The following NDST3 variants were observed in gnomAD, a reference collection of about 807,000 sequenced individuals.
The protein encoded by NDST3 is bifunctional heparan sulfate N-deacetylase/N-sulfotransferase 3.
A neutral mutation model predicts 96.1 loss-of-function variants in NDST3; 58 were observed. The ratio of observed to expected loss-of-function variants is 0.60; its 90% CI spans 0.49 to 0.75. The LOEUF (loss-of-function observed/expected upper bound fraction) is 0.75, where lower values mean the gene tolerates loss of function less well. Ranked by LOEUF, NDST3 falls within the 30% of genes least tolerant of loss-of-function variation. The pLI is 0.00. For missense variants in NDST3, 788 were observed against 1,034.2 expected (o/e 0.76, Z 3.27); for synonymous variants, 333 against 359.7 (o/e 0.93, Z 0.84).
intron 6 of NDST3, among the ~76,000 whole-genome samples, chr4:118,146,397 C>T (rs62326129): frequency 6.6e-6 from 1 of 152,004 alleles, no homozygotes; most frequent in African/African-American, 2.4e-5. Flanking sequence ...GAGCTGAAAA[C>T]AAAAATATAA....
At position 118,256,356 on chromosome 4, in the gene NDST3, T is replaced by C. The variant is rs1484909343; in HGVS notation, c.*644T>C. On this transcript the variant is annotated 3_prime_UTR_variant, in exon 14 of 14. Coordinates refer to ENST00000296499, the MANE Select transcript of NDST3 (RefSeq NM_004784.3). ...TGATTTTTTCATATACATAGTCTAGTGAATATATGTAAAAATTACTAACTC... is the reference window on the plus strand; with the variant it reads ...TGATTTTTTCATATACATAGTCTAGCGAATATATGTAAAAATTACTAACTC... The C allele has an allele frequency of 6.6e-6, 1 of 152,176 alleles. No homozygotes were observed. The allele number at this position is 152,176 out of a possible 1,614,324, so 9.4% of individuals were successfully genotyped here. A position where few individuals can be genotyped will look rare whatever the true frequency, so the allele number is the denominator to read the frequency against.
chr4:118,070,684 C>G (rs1726988063), intron 2 of NDST3, among the ~76,000 whole-genome samples: 1 of 148,192 alleles, frequency 6.7e-6, no homozygotes, highest in Admixed American at 6.8e-5. Context: ...TTCTAGGGTA[C>G]ATGTGCACAA....
At chr4:118,253,366 C>T (rs561596620) in intron 12 of NDST3, 133 bp from the exon 13 acceptor site, 2 of 538,818 alleles carry the variant, frequency 3.7e-6, no homozygotes, top group East Asian at 5.7e-5. Context: ...TTCAGTTTCT[C>T]TGGTTATAGA....
intron 4 of NDST3, among the ~76,000 whole-genome samples, chr4:118,119,733 T>C (rs1731393878): frequency 6.6e-6 from 1 of 152,204 alleles, no homozygotes; most frequent in Non-Finnish European, 1.5e-5. Context: ...ATGCCAGTTA[T>C]TACAATATTG....
intron 13 of NDST3, 69 bp from the exon 14 acceptor site, chr4:118,255,524 A>G (rs1742062373): frequency 6.9e-7 from 1 of 1,451,012 alleles, no homozygotes; most frequent in Non-Finnish European, 9.4e-7. Flanking sequence ...ACTTATTTCA[A>G]CGTAGTCAAA....
At chr4:118,182,236 G>C (rs547062437) in intron 6 of NDST3, among the ~76,000 whole-genome samples, 7 of 152,088 alleles carry the variant, frequency 4.6e-5, no homozygotes, top group African/African-American at 1.4e-4. Context: ...CCAAGTTCTC[G>C]GGACACGAAT....
intron 8 of NDST3, among the ~76,000 whole-genome samples, chr4:118,230,840 TTTCAA>T (rs1396465896): frequency 6.6e-6 from 1 of 152,184 alleles, no homozygotes; most frequent in Non-Finnish European, 1.5e-5. Flanking sequence ...AGACTACCTC[TTTCAA>T]TTCATTTTTT....
chr4:118,220,043 T>A (rs146465314), intron 6 of NDST3, among the ~76,000 whole-genome samples: 44,878 of 151,992 alleles, frequency 0.3, 8,143 homozygotes, highest in Middle Eastern at 0.43. Context: ...GTTCAACCAT[T>A]GTGGAAGACA....
rs373927552 is a variant in NDST3, at chr4:118,087,135, T to A, written c.982-17883T>A. On this transcript the variant is annotated intron_variant, in intron 2 of 13. Coordinates refer to ENST00000296499, the MANE Select transcript of NDST3 (RefSeq NM_004784.3). ...TTTAACCTCTTATTTACTGTGTGGG[T>A]TTAAGGAAATCTCTTAACATGTCTG... Among the ~76,000 whole-genome samples, 70 of 152,156 alleles carry A rather than the reference T, an allele frequency of 4.6e-4. 1 individual carries two copies. The South Asian group carries it at 0.014, about 31-fold the overall frequency.
chr4:118,146,953 G>A (rs1029225352), intron 6 of NDST3, among the ~76,000 whole-genome samples: 1 of 152,092 alleles, frequency 6.6e-6, no homozygotes, highest in Non-Finnish European at 1.5e-5. Flanking sequence ...CCTACTATAG[G>A]AAAAGAATAT....
chr4:118,075,959 C>T (rs1343646442), intron 2 of NDST3, among the ~76,000 whole-genome samples: 5 of 152,250 alleles, frequency 3.3e-5, no homozygotes, highest in Middle Eastern at 3.4e-3. Flanking sequence ...GTGTTTTAGT[C>T]ATGAAGTTAA....
intron 4 of NDST3, among the ~76,000 whole-genome samples, chr4:118,133,298 GT>G (rs2125892242): frequency 6.6e-6 from 1 of 152,272 alleles, no homozygotes; most frequent in South Asian, 2.1e-4. Flanking sequence ...ATCCCTCCAT[GT>G]GTGAGCAAAG....
intron 6 of NDST3, among the ~76,000 whole-genome samples, 178 bp from the exon 7 acceptor site, chr4:118,224,313 C>T (rs115285530): frequency 2.5e-3 from 386 of 152,156 alleles, no homozygotes; most frequent in Admixed American, 5.4e-3. Flanking sequence ...ATAACACATC[C>T]TCCAGTATGT....
At chr4:118,092,042 G>T (rs1728911740) in intron 2 of NDST3, among the ~76,000 whole-genome samples, 1 of 81,378 alleles carries the variant, frequency 1.2e-5, no homozygotes, top group South Asian at 5.0e-4. Context: ...TGTGAGGTAG[G>T]TATTTTCTTA....
intron 12 of NDST3, among the ~76,000 whole-genome samples, chr4:118,243,074 T>C (rs1404363050): frequency 1.3e-5 from 2 of 151,850 alleles, no homozygotes; most frequent in Non-Finnish European, 2.9e-5. Flanking sequence ...TGGACCTGAC[T>C]CACACCGTAA....
chr4:118,122,682 C>T (rs1731700769), intron 4 of NDST3, among the ~76,000 whole-genome samples: 1 of 152,154 alleles, frequency 6.6e-6, no homozygotes, highest in Non-Finnish European at 1.5e-5. Flanking sequence ...AATTCTGTGA[C>T]TCTGTTTCCG....
chr4:118,210,982 T>TC (rs1431778098), intron 6 of NDST3, among the ~76,000 whole-genome samples: 3 of 152,094 alleles, frequency 2.0e-5, no homozygotes, highest in Non-Finnish European at 4.4e-5. Context: ...CATCTCCATG[T>TC]CCCAGATACT....
chr4:118,100,215 A>G lies in NDST3; in HGVS notation c.982-4803A>G, dbSNP rs574923204. 9.2e-5 allele frequency among the ~76,000 whole-genome samples: 14 copies of G among 152,142 alleles called. No individual in the cohort carries two copies. The South Asian group carries it at 2.9e-3, about 32-fold the overall frequency. On this transcript the variant is annotated intron_variant, in intron 2 of 13. Transcript: ENST00000296499. ...GGGATTGAATAGAACTAAGAGGTGG[A>G]GGAAGGGCAAATTCACTCTCTCTGC...
chr4:118,255,600 C>A lies in NDST3; in HGVS notation c.2510C>A (p.Thr837Lys). ...KYPPMDSDSR[T>K]FLSSYYRDHN... is the part of the protein sequence containing the mutation. ...CTCCTCCTCTCCACTTAGAGCAGGA[C>A]ATTTCTGTCAAGCTACTATCGAGAT... Residue 837 changes from threonine (T) to lysine (K), a missense_variant, in exon 14 of 14, where the codon ACA becomes AAA. This residue lies in a region of NDST3 where 64 missense variants were observed against 68.5 expected (regional missense o/e 0.93). Transcript: ENST00000296499. 1.2e-6 allele frequency: 2 copies of A among 1,611,922 alleles called. No individual in the cohort carries two copies. The highest frequency in any genetic ancestry group is 1.7e-6 in the Non-Finnish European group (2 of 1,178,696).
Sources: gnomAD v4.1 joint callset for allele counts (sites outside exome capture counted in the v4.1 genomes callset) on GRCh38, gnomAD v4.1.1 for gene constraint, gnomAD v4.1.1 regional missense constraint, MANE v1.5 for transcripts, NCBI Gene and HGNC (gene_info 2026-07-23, HGNC 2026-07-21) for gene names.